Variants in ADAM9 observed in about 807,000 individuals in gnomAD.
ADAM9 encodes disintegrin and metalloproteinase domain-containing protein 9.
A neutral mutation model predicts 108.1 loss-of-function variants in ADAM9; 54 were observed. That is an observed-to-expected ratio of 0.50 (90% CI 0.40 to 0.63). ADAM9 has a LOEUF of 0.63. Ranked by LOEUF, ADAM9 falls within the 20% of genes least tolerant of loss-of-function variation. The pLI, the probability that ADAM9 is intolerant of heterozygous loss-of-function variation, is 0.00. For synonymous variants in ADAM9, 316 were observed against 336.0 expected (o/e 0.94, Z 0.65); for missense variants, 830 against 997.7 (o/e 0.83, Z 2.26).
chr8:39,013,897 C>A lies in ADAM9; in HGVS notation c.255-68C>A, dbSNP rs1182427820. 7.3e-6 allele frequency: 9 copies of A among 1,226,368 alleles called. No individual in the cohort carries two copies. In the Admixed American group the frequency reaches 1.5e-4, roughly 21 times the overall value. 76.0% of individuals were successfully genotyped at this position (1,226,368 alleles called of 1,614,324 possible). On this transcript the variant is annotated intron_variant, in intron 3 of 21. Coordinates refer to ENST00000487273, the MANE Select transcript of ADAM9 (RefSeq NM_003816.3). ...TGCTTGTCTCCTCTAGGAATAATGC[C>A]TTATGAATCGTGTCCTTAGTTGTAG...
intron 10 of ADAM9, among the ~76,000 whole-genome samples, chr8:39,026,422 T>C (rs754234521): frequency 2.0e-5 from 3 of 152,236 alleles, no homozygotes; most frequent in Admixed American, 6.5e-5. Flanking sequence ...TGTTTTCCTA[T>C]AAACTACCAT....
chr8:39,095,585 G>C (rs2129443444), intron 20 of ADAM9, among the ~76,000 whole-genome samples: 1 of 152,232 alleles, frequency 6.6e-6, no homozygotes, highest in South Asian at 2.1e-4. Context: ...GTGTGCGTTT[G>C]AGAAGAATGT....
chr8:39,099,214 A>G (rs1839606586), intron 20 of ADAM9, among the ~76,000 whole-genome samples: 1 of 152,128 alleles, frequency 6.6e-6, no homozygotes, highest in Non-Finnish European at 1.5e-5. Context: ...CTCAGGCCCC[A>G]GCTTTTGCCT....
chr8:39,104,335 T>A lies in ADAM9; in HGVS notation c.*635T>A, dbSNP rs1174702698. ...AAGAGTGTGTGTGTATTCACGCAGT[T>A]ACTCGCTTCCATTTTTATGACCTTT... On this transcript the variant is annotated 3_prime_UTR_variant, in exon 22 of 22. Transcript: ENST00000487273. The A allele has an allele frequency of 2.2e-6, 1 of 452,030 alleles. No individual in the cohort carries two copies. Among genetic ancestry groups the A allele is most frequent in the Admixed American group, 2.4e-5 (1 of 42,544 alleles). The allele number at this position is 452,030 out of a possible 1,614,324, so 28.0% of individuals were successfully genotyped here.
Position 39,105,209 on chromosome 8 carries a change from C to T in ADAM9, c.*1509C>T, listed in dbSNP as rs1324482354. The T allele has an allele frequency of 2.3e-6, 1 of 441,762 alleles. No homozygotes were observed. Among genetic ancestry groups the T allele is most frequent in the Non-Finnish European group, 4.5e-6 (1 of 223,168 alleles). 27.4% of individuals were successfully genotyped at this position (441,762 alleles called of 1,614,324 possible). ...AAAAATTTCAGTTTTCTGAAGACAG[C>T]ATGTTATTTTAACAATCAAGTATAC... On this transcript the variant is annotated 3_prime_UTR_variant, in exon 22 of 22. Transcript: ENST00000487273.
chr8:39,068,675 CAAAAAAAAAA>C (rs562274321), intron 14 of ADAM9, among the ~76,000 whole-genome samples: 6 of 42,044 alleles, frequency 1.4e-4, no homozygotes, highest in South Asian at 1.4e-3. Context: ...AACTTCTCCT[CAAAAAAAAAA>C]AAAAAAAAAA....
chr8:38,998,901 C>T (rs896893433), intron 1 of ADAM9, among the ~76,000 whole-genome samples: 1 of 152,134 alleles, frequency 6.6e-6, no homozygotes, highest in Admixed American at 6.5e-5. Context: ...GTCTTCTATG[C>T]TGAACTAAGG....
At chr8:39,092,432 T>G (rs919940246) in intron 20 of ADAM9, among the ~76,000 whole-genome samples, 6 of 152,148 alleles carry the variant, frequency 3.9e-5, no homozygotes, top group Non-Finnish European at 4.4e-5. Flanking sequence ...CTTAACCATG[T>G]ATCTTGGAGA....
chr8:39,023,417 TTTTGGGGTA>T, intron 9 of ADAM9, 92 bp downstream of exon 9: 1 of 1,333,760 alleles, frequency 7.5e-7, no homozygotes, highest in Non-Finnish European at 1.0e-6. Context: ...TCTCTTGAGG[TTTTGGGGTA>T]TTCATTTAAA....
intron 11 of ADAM9, among the ~76,000 whole-genome samples, chr8:39,027,227 T>G (rs767558818): frequency 7.2e-5 from 11 of 152,222 alleles, no homozygotes; most frequent in Non-Finnish European, 1.3e-4. Flanking sequence ...ACTGAAGGAC[T>G]GCATAAGAAG....
chr8:39,097,407 A>G (rs1271398964), intron 20 of ADAM9, among the ~76,000 whole-genome samples: 2 of 150,480 alleles, frequency 1.3e-5, no homozygotes, highest in East Asian at 3.9e-4. Flanking sequence ...CCCAGGTTCA[A>G]GCAATTCTCC....
chr8:39,035,993 T>C (rs1015996086), intron 11 of ADAM9, among the ~76,000 whole-genome samples: 1 of 152,108 alleles, frequency 6.6e-6, no homozygotes, highest in Non-Finnish European at 1.5e-5. Flanking sequence ...CTTCATAGGC[T>C]GTTTAATAAA....
chr8:39,079,235 GC>G (rs1416797743), intron 16 of ADAM9, among the ~76,000 whole-genome samples: 1 of 152,176 alleles, frequency 6.6e-6, no homozygotes, highest in Non-Finnish European at 1.5e-5. Flanking sequence ...CTTACTACTA[GC>G]TGGCACCACA....
rs546829422 is a variant in ADAM9 at position 39,052,270 on chromosome 8, A to G, written c.1303-2211A>G. On this transcript the variant is annotated intron_variant, in intron 12 of 21. Coordinates refer to ENST00000487273, the MANE Select transcript of ADAM9 (RefSeq NM_003816.3). ...TAGATTATAGGCATCATTTTCTTCTATGAATTATTATTTTATGTATTCCTT... is the reference window on the plus strand; with the variant it reads ...TAGATTATAGGCATCATTTTCTTCTGTGAATTATTATTTTATGTATTCCTT... Among the ~76,000 whole-genome samples the G allele has an allele frequency of 6.0e-4, 91 of 152,214 alleles. 1 individual carries two copies. The highest frequency in any genetic ancestry group is 5.9e-3 in the Admixed American group (90 of 15,290).
chr8:39,026,106 C>T (rs1388819171), intron 10 of ADAM9, among the ~76,000 whole-genome samples: 1 of 152,040 alleles, frequency 6.6e-6, no homozygotes, highest in Non-Finnish European at 1.5e-5. Context: ...TTTTATTTTA[C>T]TTTAAGTTCT....
intron 5 of ADAM9, 129 bp downstream of exon 5, chr8:39,016,323 A>G: frequency 2.5e-6 from 2 of 789,912 alleles, no homozygotes; most frequent in East Asian, 2.5e-5. Context: ...GTTACTGAAC[A>G]TTTTTACAGC....
At chr8:39,057,028 G>A (rs1301957722) in intron 14 of ADAM9, among the ~76,000 whole-genome samples, 2 of 152,078 alleles carry the variant, frequency 1.3e-5, no homozygotes, top group Non-Finnish European at 2.9e-5. Context: ...TCTATGTTTA[G>A]ATATGTTTAG....
At chr8:39,078,045 A>G (rs894500738) in intron 16 of ADAM9, among the ~76,000 whole-genome samples, 2 of 152,134 alleles carry the variant, frequency 1.3e-5, no homozygotes, top group Admixed American at 1.3e-4. Flanking sequence ...AGTAAGTTGA[A>G]GAAACCAACT....
intron 14 of ADAM9, among the ~76,000 whole-genome samples, chr8:39,065,909 A>T (rs1838454110): frequency 6.6e-6 from 1 of 151,386 alleles, no homozygotes; most frequent in Non-Finnish European, 1.5e-5. Flanking sequence ...CACTCCCCCC[A>T]CCCCATGACA....
Sources: gnomAD v4.1 joint callset for allele counts (sites outside exome capture counted in the v4.1 genomes callset) on GRCh38, gnomAD v4.1.1 for gene constraint, MANE v1.5 for transcripts, NCBI Gene and HGNC (gene_info 2026-07-23, HGNC 2026-07-21) for gene names.